The following MROH6 variants were observed in gnomAD, a reference collection of about 807,000 sequenced individuals.
MROH6 encodes the protein maestro heat-like repeat-containing protein family member 6.
In MROH6, 62 loss-of-function variants were observed where a neutral mutation model predicts 67.7. That is an observed-to-expected ratio of 0.92 (90% CI 0.75 to 1.13). The LOEUF (loss-of-function observed/expected upper bound fraction) is 1.13. Ranked by LOEUF, MROH6 falls within the 50% of genes most tolerant of loss-of-function variation. The pLI, the probability that MROH6 is intolerant of heterozygous loss-of-function variation, is 0.00. For synonymous variants in MROH6, 566 were observed against 470.8 expected (o/e 1.20, Z -2.62); for missense variants, 1,175 against 1,029.1 (o/e 1.14, Z -1.94).
chr8:143,568,757 A>C, intron 9 of MROH6, 38 bp from the exon 10 acceptor site: 5 of 1,349,718 alleles, frequency 3.7e-6, no homozygotes, highest in Non-Finnish European at 4.9e-6. Context: ...GCGGAGACAG[A>C]GAGGGGCTGC....
In MROH6 at chr8:143,567,442, G is replaced by GGTC; in HGVS notation, c.1954_1956dup (p.Asp652dup). The GGTC allele has an allele frequency of 7.3e-7, 1 of 1,361,598 alleles. No individual in the cohort carries two copies. The highest frequency in any genetic ancestry group is 1.8e-5 in the South Asian group (1 of 56,840). The allele number at this position is 1,361,598 out of a possible 1,614,324, so 84.3% of individuals were successfully genotyped here. A position where few individuals can be genotyped will look rare whatever the true frequency, so the allele number is the denominator to read the frequency against. On this transcript the variant is annotated inframe_insertion, in exon 14 of 14. Transcript: ENST00000398882. ...GCTGCCGCGGCCACAGCCGGCTTGG[G>GGTC]GTCGCTCTGCAGTCGCCCTAGGTCT...
intron 9 of MROH6, chr8:143,568,921 A>T (rs1823806852): frequency 6.6e-6 from 3 of 451,192 alleles, no homozygotes; most frequent in Non-Finnish European, 1.1e-5. Context: ...GCTTGAAGGG[A>T]TGGGGTCCGG....
chr8:143,570,387 G>T lies in MROH6; in HGVS notation c.906-7C>A. 6.2e-7 allele frequency: 1 copy of T among 1,608,202 alleles called. No individual in the cohort carries two copies. Among genetic ancestry groups the T allele is most frequent in the Non-Finnish European group, 8.5e-7 (1 of 1,177,720 alleles). On this transcript the variant is annotated splice_polypyrimidine_tract_variant and splice_region_variant and intron_variant, in intron 5 of 13. Coordinates refer to ENST00000398882, the MANE Select transcript of MROH6 (RefSeq NM_001100878.2). ...CAAGGCCTCCACAGCACAGCTGGTG[G>T]TGGGGACAGTGAGCAGGTGGGCAGT...
In MROH6 at chr8:143,572,503, C is replaced by A; in HGVS notation, c.212G>T (p.Arg71Leu). 6.2e-7 allele frequency: 1 copy of A among 1,604,926 alleles called. No homozygotes were observed. The highest frequency in any genetic ancestry group is 1.1e-5 in the South Asian group (1 of 89,906). Residue 71 changes from arginine (R) to leucine (L), a missense_variant, in exon 1 of 14, where the codon CGT becomes CTT. By Grantham distance (102) the Arg-to-Leu change is moderately radical (BLOSUM62 -2). Transcript: ENST00000398882. ...GCCAGCTTCAGGGACGGTGGCCCCA[C>A]GTCCAGGCTCTGCCTCAGAGGGGGC... ...LTAPSEAEPG[R>L]GATVPEAGSE...
chr8:143,567,763 A>C (rs749238569), intron 12 of MROH6, 23 bp downstream of exon 12: 2 of 1,568,712 alleles, frequency 1.3e-6, no homozygotes, highest in South Asian at 1.2e-5. Flanking sequence ...TGCCAGGGGC[A>C]GTGTGACCCC....
At position 143,570,862 on chromosome 8, in the gene MROH6, G is replaced by T; in HGVS notation, c.720+15C>A. The T allele has an allele frequency of 7.7e-7, 1 of 1,306,238 alleles. No individual in the cohort carries two copies. The highest frequency in any genetic ancestry group is 1.1e-6 in the Non-Finnish European group (1 of 933,416). 80.9% of individuals were successfully genotyped at this position (1,306,238 alleles called of 1,614,324 possible). On this transcript the variant is annotated intron_variant, in intron 4 of 13. Coordinates refer to ENST00000398882, the MANE Select transcript of MROH6 (RefSeq NM_001100878.2). ...CCCCCGCCCCCACCCCCTGGTAATG[G>T]CTGGAGCCACCTACCGCCAGTGCCT... is the stretch of plus-strand genomic sequence containing the variant.
At chr8:143,572,372 A>G (rs1824101791) in intron 1 of MROH6, 49 bp downstream of exon 1, 2 of 1,498,420 alleles carry the variant, frequency 1.3e-6, no homozygotes, top group African/African-American at 1.4e-5. Flanking sequence ...CCTACCATCC[A>G]CAGGACCCCC....
chr8:143,572,615 G>A lies in MROH6; in HGVS notation c.100C>T (p.Gln34Ter). 6.3e-7 allele frequency: 1 copy of A among 1,591,814 alleles called. No individual in the cohort carries two copies. The highest frequency in any genetic ancestry group is 1.1e-5 in the South Asian group (1 of 88,798). The change falls in exon 1 of 14, where the codon CAG (glutamine) becomes TAG (stop). Residue 34 changes from glutamine to a stop codon, truncating the protein, a stop_gained. Transcript: ENST00000398882. LOFTEE classifies it high-confidence loss of function. Reference protein sequence around the residue: ...LTEGIRARQGQPQGPPSAGPQ... With the variant: ...LTEGIRARQG ...CCTGCGGAAGGGGGTCCCTGGGGCT[G>A]CCCCTGCCTGGCCCGGATTCCTTCA...
rs1018679596 is a variant in MROH6, at chr8:143,569,431, G to A, written c.1476+10C>T. 5 of 1,433,864 alleles carry A rather than the reference G, an allele frequency of 3.5e-6. No individual in the cohort carries two copies. The African/African-American group carries it at 6.0e-5, about 17-fold the overall frequency. The allele number at this position is 1,433,864 out of a possible 1,614,324, so 88.8% of individuals were successfully genotyped here. ...CAGGGGCGGGACCCGGAGGCGGGGC[G>A]TTTGCTCACGTCGTCCAGTAGCGGA... On this transcript the variant is annotated intron_variant, in intron 9 of 13. Coordinates refer to ENST00000398882, the MANE Select transcript of MROH6 (RefSeq NM_001100878.2).
Position 143,569,752 on chromosome 8 carries a change from GTGGGT to G in MROH6, c.1242_1246del (p.Glu414AspfsTer126), listed in dbSNP as rs1563917543. On this transcript the variant is annotated frameshift_variant, in exon 8 of 14. Coordinates refer to ENST00000398882, the MANE Select transcript of MROH6 (RefSeq NM_001100878.2). LOFTEE classifies it high-confidence loss of function. The stretch of plus-strand genomic sequence containing the variant: ...GCCCAGCAGGCCCAACCAGCGCACA[GTGGGT>G]TCGGGGTCTCCCTGCCAGGTGAGGA... 2 of 1,613,190 alleles carry G rather than the reference GTGGGT, an allele frequency of 1.2e-6. No individual in the cohort carries two copies. The highest frequency in any genetic ancestry group is 1.7e-6 in the Non-Finnish European group (2 of 1,179,742).
Position 143,567,143 on chromosome 8 carries a change from C to G in MROH6, c.*96G>C. The G allele has an allele frequency of 1.6e-6, 1 of 643,486 alleles. No homozygotes were observed. Among genetic ancestry groups the G allele is most frequent in the Non-Finnish European group, 2.2e-6 (1 of 459,786 alleles). 39.9% of individuals were successfully genotyped at this position (643,486 alleles called of 1,614,324 possible). A position where few individuals can be genotyped will look rare whatever the true frequency, so the allele number is the denominator to read the frequency against. ...GGGGGAGGGCATTGGCGTCCAGCACCAGGCCCAGGGAGCCCCTCCGTCAGG... is the reference window on the plus strand; with the variant it reads ...GGGGGAGGGCATTGGCGTCCAGCACGAGGCCCAGGGAGCCCCTCCGTCAGG... On this transcript the variant is annotated 3_prime_UTR_variant, in exon 14 of 14. Coordinates refer to ENST00000398882, the MANE Select transcript of MROH6 (RefSeq NM_001100878.2).
intron 4 of MROH6, 53 bp downstream of exon 4, chr8:143,570,824 T>TGG: frequency 2.5e-6 from 3 of 1,186,582 alleles, no homozygotes; most frequent in African/African-American, 1.5e-5. Context: ...TCCCCGCTCC[T>TGG]CGCCACCCCC....
At chr8:143,572,337 C>T (rs1330159950) in intron 1 of MROH6, 84 bp downstream of exon 1, 12 of 1,477,170 alleles carry the variant, frequency 8.1e-6, no homozygotes, top group Admixed American at 6.6e-5. Flanking sequence ...GGGCCAGCAC[C>T]GCCCCCCTGC....
Position 143,570,500 on chromosome 8 carries a change from T to C in MROH6, c.878A>G (p.His293Arg). Residue 293 changes from histidine (H) to arginine (R), a missense_variant, in exon 5 of 14, where the codon CAC (histidine) becomes CGC (arginine). Transcript: ENST00000398882. ...GGCATGGCTATGTGGTGGCCCTCGG[T>C]GGGACAGAACCCAAATCTTGGGCAT... Reference protein sequence around the residue: ...PDMPKIWVLSHRGPPHSHASC... With the variant: ...PDMPKIWVLSRRGPPHSHASC... The C allele has an allele frequency of 6.2e-7, 1 of 1,612,842 alleles. No homozygotes were observed. Among genetic ancestry groups the C allele is most frequent in the South Asian group, 1.1e-5 (1 of 91,050 alleles).
rs1421375854 is a variant in MROH6, at chr8:143,569,495, A to G, written c.1422T>C (p.Pro474=). ...LRRLLLRPRA[P]VRLLSAELGP... is the part of the protein sequence containing the mutation. The stretch of plus-strand genomic sequence containing the variant: ...CCAGCTCCGCGCTCAGGAGCCGCAC[A>G]GGCGCCCGGGGCCGCAGCAGGAGCC... The change falls in exon 9 of 14, where the codon CCT becomes CCC. Residue 474 remains proline, a synonymous_variant. Coordinates refer to ENST00000398882, the MANE Select transcript of MROH6 (RefSeq NM_001100878.2). The G allele has an allele frequency of 1.3e-6, 2 of 1,484,178 alleles. No homozygotes were observed. Among genetic ancestry groups the G allele is most frequent in the Admixed American group, 4.7e-5 (2 of 42,738 alleles). 91.9% of individuals were successfully genotyped at this position (1,484,178 alleles called of 1,614,324 possible). A position where few individuals can be genotyped will look rare whatever the true frequency, so the allele number is the denominator to read the frequency against.
chr8:143,568,666 G>C lies in MROH6; in HGVS notation c.1530C>G (p.Arg510=). ...SAVGLLGTLV[R]RGRGGLRLGL... Reference sequence around the variant, plus strand: ...CCAGCCGGAGCCCGCCCCGGCCCCGGCGCACCAGAGTCCCAAGGAGCCCGA... The same window carrying C: ...CCAGCCGGAGCCCGCCCCGGCCCCGCCGCACCAGAGTCCCAAGGAGCCCGA... Residue 510 remains arginine (R), a synonymous_variant, in exon 10 of 14, where the codon CGC becomes CGG. Transcript: ENST00000398882. The C allele has an allele frequency of 6.5e-7, 1 of 1,530,716 alleles. No individual in the cohort carries two copies. The highest frequency in any genetic ancestry group is 1.2e-5 in the South Asian group (1 of 83,542). The allele number at this position is 1,530,716 out of a possible 1,614,324, so 94.8% of individuals were successfully genotyped here.
intron 3 of MROH6, 150 bp from the exon 4 acceptor site, chr8:143,571,144 CAG>C: frequency 3.1e-6 from 2 of 637,404 alleles, no homozygotes; most frequent in Non-Finnish European, 5.6e-6. Flanking sequence ...CCCCAAATCT[CAG>C]AGAAACAAAT....
chr8:143,570,853 C>CCG, intron 4 of MROH6, 24 bp downstream of exon 4: 1 of 1,479,332 alleles, frequency 6.8e-7, no homozygotes, highest in Non-Finnish European at 9.1e-7. Context: ...CCCCCACCCC[C>CCG]TGGTAATGGC....
intron 4 of MROH6, 74 bp downstream of exon 4, chr8:143,570,803 T>C (rs1823980829): frequency 4.2e-6 from 6 of 1,425,624 alleles, no homozygotes; most frequent in Non-Finnish European, 5.7e-6. Flanking sequence ...GCAAACTCCC[T>C]ATGCCCATCC....
Sources: gnomAD v4.1 joint callset for allele counts on GRCh38, gnomAD v4.1.1 for gene constraint, MANE v1.5 for transcripts, NCBI Gene and HGNC (gene_info 2026-07-23, HGNC 2026-07-21) for gene names.